Variants in ABCG2 observed in about 807,000 individuals in gnomAD.
ABCG2 encodes broad substrate specificity ATP-binding cassette transporter ABCG2.
In ABCG2, 80 loss-of-function variants were observed where a neutral mutation model predicts 73.5. The observed-to-expected ratio is 1.09, with a 90% CI of 0.91 to 1.31. The LOEUF is 1.31. Ranked by LOEUF, ABCG2 falls within the 50% of genes most tolerant of loss-of-function variation. The pLI, the probability that ABCG2 is intolerant of heterozygous loss-of-function variation, is 0.00. For missense variants in ABCG2, 796 were observed against 786.2 expected, an observed-to-expected ratio of 1.01 and a Z score of -0.15; for synonymous variants, 269 against 282.4, an observed-to-expected ratio of 0.95 and a Z score of 0.48.
intron 1 of ABCG2, among the ~76,000 whole-genome samples, chr4:88,213,229 A>G (rs1025060763): frequency 1.3e-5 from 2 of 152,184 alleles, no homozygotes; most frequent in Non-Finnish European, 2.9e-5. Context: ...ATTCTTGATC[A>G]AGAATCTCAA....
At chr4:88,093,662 G>T (rs1215636076) in intron 15 of ABCG2, among the ~76,000 whole-genome samples, 2 of 151,914 alleles carry the variant, frequency 1.3e-5, no homozygotes, top group African/African-American at 4.8e-5. Context: ...CAAAAGAGAG[G>T]GACAGAATAA....
intron 5 of ABCG2, among the ~76,000 whole-genome samples, chr4:88,130,188 A>G (rs1315914945): frequency 6.6e-6 from 1 of 152,180 alleles, no homozygotes; most frequent in African/African-American, 2.4e-5. Flanking sequence ...GCAAGTGAGC[A>G]AAGCTTCATC....
intron 1 of ABCG2, among the ~76,000 whole-genome samples, chr4:88,168,517 T>C (rs1213852833): frequency 6.6e-6 from 1 of 151,698 alleles, no homozygotes; most frequent in Non-Finnish European, 1.5e-5. Flanking sequence ...GGTTATAAAG[T>C]TTATTTGGTT....
At chr4:88,138,769 T>G (rs1226691774) in intron 2 of ABCG2, among the ~76,000 whole-genome samples, 1 of 152,166 alleles carries the variant, frequency 6.6e-6, no homozygotes, top group African/African-American at 2.4e-5. Context: ...CTGACTGCAT[T>G]TTTATGAGCC....
intron 1 of ABCG2, among the ~76,000 whole-genome samples, chr4:88,167,123 CAA>C (rs1489065926): frequency 5.3e-5 from 4 of 76,160 alleles, no homozygotes; most frequent in Non-Finnish European, 7.7e-5. Flanking sequence ...CAGGCCAAGT[CAA>C]AGTGTCAGCC....
At chr4:88,196,926 G>T (rs1380216288) in intron 1 of ABCG2, among the ~76,000 whole-genome samples, 2 of 151,950 alleles carry the variant, frequency 1.3e-5, no homozygotes, top group Non-Finnish European at 2.9e-5. Flanking sequence ...ACCTATTGAG[G>T]TTTTATGGGC....
intron 1 of ABCG2, among the ~76,000 whole-genome samples, chr4:88,150,022 G>A (rs1007850621): frequency 1.2e-4 from 18 of 151,538 alleles, no homozygotes; most frequent in African/African-American, 4.1e-4. Flanking sequence ...TAAAGCAAAA[G>A]AGGAAGGGTG....
At chr4:88,129,974 C>T (rs961777062) in intron 5 of ABCG2, among the ~76,000 whole-genome samples, 1 of 151,750 alleles carries the variant, frequency 6.6e-6, no homozygotes, top group African/African-American at 2.4e-5. Context: ...AGTCTGTAAA[C>T]ATTTGGCAGA....
intron 10 of ABCG2, among the ~76,000 whole-genome samples, chr4:88,105,199 A>G (rs1164779859): frequency 3.3e-5 from 5 of 152,244 alleles, no homozygotes; most frequent in African/African-American, 1.2e-4. Flanking sequence ...TCCATACAAA[A>G]GAATTTATTT....
intron 1 of ABCG2, among the ~76,000 whole-genome samples, chr4:88,173,863 T>C (rs1199326456): frequency 6.6e-6 from 1 of 152,114 alleles, no homozygotes; most frequent in African/African-American, 2.4e-5. Context: ...ATATCACTGA[T>C]TGTCTCATAA....
At chr4:88,191,754 T>C (rs995553365) in intron 1 of ABCG2, among the ~76,000 whole-genome samples, 5 of 152,156 alleles carry the variant, frequency 3.3e-5, no homozygotes, top group Non-Finnish European at 7.3e-5. Flanking sequence ...GGTATACTTA[T>C]ACAATAAAAA....
In ABCG2 at chr4:88,091,047, G is replaced by A. The variant is rs1292405061; in HGVS notation, c.*1187C>T. The A allele has an allele frequency of 1.3e-5, 2 of 152,202 alleles. No homozygotes were observed. The highest frequency in any genetic ancestry group is 4.8e-5 in the African/African-American group (2 of 41,456). The allele number at this position is 152,202 out of a possible 1,614,324, so 9.4% of individuals were successfully genotyped here. A position where few individuals can be genotyped will look rare whatever the true frequency, so the allele number is the denominator to read the frequency against. ...AAACACAACACTTGGCTGTAGCAATGTTCTCATAACAGCAACAGAGGGAAA... is the reference window on the plus strand; with the variant it reads ...AAACACAACACTTGGCTGTAGCAATATTCTCATAACAGCAACAGAGGGAAA... On this transcript the variant is annotated 3_prime_UTR_variant, in exon 16 of 16. Coordinates refer to ENST00000237612, the MANE Select transcript of ABCG2 (RefSeq NM_004827.3).
At chr4:88,094,982 G>A (rs999213355) in intron 14 of ABCG2, among the ~76,000 whole-genome samples, 3 of 152,128 alleles carry the variant, frequency 2.0e-5, no homozygotes, top group Non-Finnish European at 4.4e-5. Context: ...ATGATACAGT[G>A]GTGCTCAATG....
intron 1 of ABCG2, among the ~76,000 whole-genome samples, chr4:88,184,967 T>C (rs1728392260): frequency 6.6e-6 from 1 of 152,308 alleles, no homozygotes; most frequent in Admixed American, 6.5e-5. Flanking sequence ...CTTCAATAAA[T>C]GATGCTGGGA....
At chr4:88,179,337 G>C (rs1378090077) in intron 1 of ABCG2, among the ~76,000 whole-genome samples, 1 of 152,154 alleles carries the variant, frequency 6.6e-6, no homozygotes, top group African/African-American at 2.4e-5. Context: ...GCCACAGCGC[G>C]ACAGGGCTTG....
intron 10 of ABCG2, among the ~76,000 whole-genome samples, chr4:88,106,579 A>G (rs1049130088): frequency 6.6e-6 from 1 of 152,344 alleles, no homozygotes; most frequent in African/African-American, 2.4e-5. Flanking sequence ...AGAGACAGAA[A>G]GTAGAATGAT....
chr4:88,097,655 G>C (rs745803155), intron 12 of ABCG2, 48 bp from the exon 13 acceptor site: 2 of 1,582,968 alleles, frequency 1.3e-6, no homozygotes, highest in East Asian at 2.3e-5. Flanking sequence ...CTAGGTCACC[G>C]TATGTTTGGG....
chr4:88,179,999 A>C (rs963571384), intron 1 of ABCG2, among the ~76,000 whole-genome samples: 1 of 152,150 alleles, frequency 6.6e-6, no homozygotes, highest in East Asian at 1.9e-4. Flanking sequence ...AGGTAGAGAG[A>C]GGGGGGTAGA....
upstream of ABCG2, among the ~76,000 whole-genome samples, chr4:88,159,647 T>C (rs1359817466): frequency 1.3e-5 from 2 of 152,084 alleles, no homozygotes; most frequent in Non-Finnish European, 2.9e-5. Flanking sequence ...CTGGTTTGCA[T>C]TTACAAACAA....
Sources: gnomAD v4.1 joint callset for allele counts (sites outside exome capture counted in the v4.1 genomes callset) on GRCh38, gnomAD v4.1.1 for gene constraint, MANE v1.5 for transcripts, NCBI Gene and HGNC (gene_info 2026-07-23, HGNC 2026-07-21) for gene names.